RUFY2: variants seen among roughly 807,000 people sequenced by gnomAD.
RUFY2 encodes the protein RUN and FYVE domain containing 2.
In RUFY2, 49 loss-of-function variants were observed where a neutral mutation model predicts 94.4. That is an observed-to-expected ratio of 0.52 (90% CI 0.41 to 0.66). RUFY2 has a LOEUF of 0.66. RUFY2 is among the 30% of genes least tolerant of loss of function. RUFY2 has a pLI of 0.00. For synonymous variants in RUFY2, 255 were observed against 235.7 expected (o/e 1.08, Z -0.75); for missense variants, 541 against 692.8 (o/e 0.78, Z 2.46).
chr10:68,404,517 ACATAGT>A (rs1221225151), intron 2 of RUFY2, among the ~76,000 whole-genome samples, 148 bp downstream of exon 2: 1 of 152,244 alleles, frequency 6.6e-6, no homozygotes, highest in Non-Finnish European at 1.5e-5. Context: ...TTATTAGAAA[ACATAGT>A]CATAAGATAT....
intron 4 of RUFY2, among the ~76,000 whole-genome samples, chr10:68,394,851 G>C (rs1410094991): frequency 1.3e-5 from 2 of 151,730 alleles, no homozygotes; most frequent in East Asian, 3.9e-4. Context: ...AGATAGTCTC[G>C]ATCTCCTGAC....
intron 15 of RUFY2, among the ~76,000 whole-genome samples, chr10:68,357,233 GTTT>G (rs1005368601): frequency 7.2e-6 from 1 of 139,774 alleles, no homozygotes; most frequent in Non-Finnish European, 1.6e-5. Context: ...GTATAACTTT[GTTT>G]TTTTTTTTTT....
chr10:68,401,825 CTT>C (rs2050871516), intron 2 of RUFY2, 88 bp from the exon 3 acceptor site: 1 of 775,504 alleles, frequency 1.3e-6, no homozygotes, highest in Non-Finnish European at 2.2e-6. Flanking sequence ...ACATTTCTAA[CTT>C]AACATACAAT....
chr10:68,346,304 T>C, intron 16 of RUFY2: 1 of 447,558 alleles, frequency 2.2e-6, no homozygotes, highest in Admixed American at 4.1e-5. Context: ...AAAAACAAGA[T>C]TGCAGCCAGG....
At chr10:68,369,715 A>G (rs2048123000) in intron 13 of RUFY2, among the ~76,000 whole-genome samples, 1 of 152,070 alleles carries the variant, frequency 6.6e-6, no homozygotes, top group Non-Finnish European at 1.5e-5. Flanking sequence ...TGAGTCTAGG[A>G]GTTCAAGACC....
intron 16 of RUFY2, among the ~76,000 whole-genome samples, chr10:68,351,121 CAT>C (rs1491547195): frequency 1.7e-4 from 20 of 119,538 alleles, no homozygotes; most frequent in African/African-American, 3.1e-4. Flanking sequence ...TGTATCCATA[CAT>C]TTTTTTTTTT....
At chr10:68,341,362 ATAAG>A, downstream of RUFY2, 1 of 1,550,420 alleles carries the variant, frequency 6.4e-7, no homozygotes, top group Non-Finnish European at 8.8e-7. Context: ...AATTTATAAA[ATAAG>A]AGGCTCTAAG....
At chr10:68,406,677 C>T in intron 1 of RUFY2, 2 of 1,347,438 alleles carry the variant, frequency 1.5e-6, no homozygotes, top group Non-Finnish European at 1.0e-6. Flanking sequence ...CCTTCCCTGC[C>T]TCTCTTCCTG....
chr10:68,406,752 A>ACCCAGGCTCCTGCGCGTCAGCATT, intron 1 of RUFY2: 4 of 1,608,172 alleles, frequency 2.5e-6, no homozygotes, highest in Non-Finnish European at 3.4e-6. Context: ...CGGCGGGCTC[A>ACCCAGGCTCCTGCGCGTCAGCATT]CCCAGGCTCC....
intron 3 of RUFY2, among the ~76,000 whole-genome samples, chr10:68,397,393 A>G (rs946491828): frequency 2.6e-5 from 4 of 152,108 alleles, no homozygotes; most frequent in African/African-American, 9.7e-5. Context: ...CCATCATTTA[A>G]TGAAATGTTA....
chr10:68,377,719 G>C (rs2048767706), intron 12 of RUFY2: 1 of 984,926 alleles, frequency 1.0e-6, no homozygotes, highest in Non-Finnish European at 1.2e-6. Flanking sequence ...TGCCTTCTTT[G>C]GCCATCTAGG....
At chr10:68,352,784 G>A (rs1226552142) in intron 16 of RUFY2, among the ~76,000 whole-genome samples, 1 of 151,826 alleles carries the variant, frequency 6.6e-6, no homozygotes, top group African/African-American at 2.4e-5. Flanking sequence ...TAAAAATTAG[G>A]TGGCACATGC....
At chr10:68,386,782 T>C (rs2049535728) in intron 7 of RUFY2, among the ~76,000 whole-genome samples, 1 of 152,184 alleles carries the variant, frequency 6.6e-6, no homozygotes, top group Non-Finnish European at 1.5e-5. Flanking sequence ...AATGTCTACT[T>C]TATAATTATG....
At chr10:68,357,306 G>A (rs2047128916) in intron 15 of RUFY2, among the ~76,000 whole-genome samples, 1 of 149,934 alleles carries the variant, frequency 6.7e-6, no homozygotes, top group African/African-American at 2.5e-5. Context: ...TCGACTCACT[G>A]CAACCTCCGC....
chr10:68,354,523 T>TA (rs2046910783), intron 16 of RUFY2, among the ~76,000 whole-genome samples: 1 of 152,336 alleles, frequency 6.6e-6, no homozygotes, highest in East Asian at 1.9e-4. Context: ...CACCTATCAC[T>TA]GAAGTGATCA....
At chr10:68,368,640 C>G (rs2048033816) in intron 13 of RUFY2, among the ~76,000 whole-genome samples, 1 of 150,980 alleles carries the variant, frequency 6.6e-6, no homozygotes. Context: ...GCCTGGGCAA[C>G]AAGAGCAAAA....
chr10:68,361,602 T>C (rs913699407), intron 15 of RUFY2, among the ~76,000 whole-genome samples: 5 of 152,182 alleles, frequency 3.3e-5, no homozygotes, highest in Admixed American at 2.0e-4. Context: ...ACAATGCAGA[T>C]TGTTCTTTGA....
intron 13 of RUFY2, among the ~76,000 whole-genome samples, chr10:68,374,114 C>CAAAA (rs34041522): frequency 1.2e-3 from 74 of 59,342 alleles, no homozygotes; most frequent in African/African-American, 4.7e-3. Context: ...GATCCTGTCC[C>CAAAA]AAAAAAAAAA....
chr10:68,341,837 G>C, downstream of RUFY2: 1 of 1,610,754 alleles, frequency 6.2e-7, no homozygotes, highest in Non-Finnish European at 8.5e-7. Context: ...ACTCCTGATG[G>C]TTTGGGTGGT....
Sources: allele counts gnomAD v4.1 joint callset (sites outside exome capture counted in the v4.1 genomes callset), GRCh38; gene constraint gnomAD v4.1.1; transcripts MANE v1.5; gene names NCBI Gene and HGNC (gene_info 2026-07-23, HGNC 2026-07-21).